MARK3: variants seen among roughly 807,000 people sequenced by gnomAD.
MARK3 encodes the protein MAP/microtubule affinity-regulating kinase 3.
MARK3 carries 46 observed loss-of-function variants against 90.1 expected under a neutral mutation model. The ratio of observed to expected loss-of-function variants is 0.51; its 90% CI spans 0.40 to 0.65. The LOEUF is 0.65. Ranked by LOEUF, MARK3 falls within the 30% of genes least tolerant of loss-of-function variation. MARK3 has a pLI of 0.00. For synonymous variants in MARK3, 321 were observed against 332.6 expected (o/e 0.97, Z 0.38); for missense variants, 818 against 947.2 (o/e 0.86, Z 1.79).
At chr14:103,412,713 C>A in intron 2 of MARK3, 4 of 593,868 alleles carry the variant, frequency 6.7e-6, no homozygotes, top group Non-Finnish European at 1.3e-5. Flanking sequence ...CCGTGCAGGA[C>A]TTCCTGCACC....
At chr14:103,423,386 C>A (rs567417548) in intron 2 of MARK3, among the ~76,000 whole-genome samples, 3 of 152,170 alleles carry the variant, frequency 2.0e-5, no homozygotes, top group Non-Finnish European at 4.4e-5. Context: ...TGTCCCATCC[C>A]TATTTTGTAA....
At chr14:103,496,368 C>T (rs1218572875) in intron 15 of MARK3, among the ~76,000 whole-genome samples, 1 of 151,868 alleles carries the variant, frequency 6.6e-6, no homozygotes, top group Admixed American at 6.6e-5. Context: ...ATCACTTGAG[C>T]CCAGGAGTTC....
chr14:103,406,993 C>T (rs1284061972), intron 2 of MARK3, among the ~76,000 whole-genome samples: 1 of 152,048 alleles, frequency 6.6e-6, no homozygotes, highest in East Asian at 1.9e-4. Context: ...ACCACTGCAC[C>T]CGGCTAATTT....
At chr14:103,451,851 A>G in intron 4 of MARK3, 67 bp from the exon 5 acceptor site, 4 of 1,103,208 alleles carry the variant, frequency 3.6e-6, no homozygotes, top group Non-Finnish European at 5.3e-6. Context: ...GTTAGAGTTT[A>G]TATGTGCATG....
At position 103,452,017 on chromosome 14, in the gene MARK3, T is replaced by C. The variant is rs766049293; in HGVS notation, c.412+34T>C. The C allele has an allele frequency of 2.5e-5, 36 of 1,434,180 alleles. 1 individual carries two copies. Among genetic ancestry groups the C allele is most frequent in the Non-Finnish European group, 3.3e-5 (34 of 1,024,802 alleles). 88.8% of individuals were successfully genotyped at this position (1,434,180 alleles called of 1,614,324 possible). On this transcript the variant is annotated intron_variant, in intron 5 of 17. Coordinates refer to ENST00000429436, the MANE Select transcript of MARK3 (RefSeq NM_001128918.3). Reference sequence around the variant, plus strand: ...ATTTTTATATATATTGGGTTTTTTTTCTTTCTCCCTTTTAAAAAAATACAC... The same window carrying C: ...ATTTTTATATATATTGGGTTTTTTTCCTTTCTCCCTTTTAAAAAAATACAC...
chr14:103,426,881 C>CT (rs1053563132), intron 2 of MARK3, among the ~76,000 whole-genome samples: 2 of 109,716 alleles, frequency 1.8e-5, no homozygotes, highest in Non-Finnish European at 3.7e-5. Flanking sequence ...GCCCAAAGGG[C>CT]TTTTCTATTT....
chr14:103,460,228 G>C (rs1366713228), intron 6 of MARK3, among the ~76,000 whole-genome samples: 1 of 151,714 alleles, frequency 6.6e-6, no homozygotes, highest in Non-Finnish European at 1.5e-5. Context: ...TGGGAATACA[G>C]ATGCCTGCCA....
rs534404609 is a variant in MARK3 at position 103,409,383 on chromosome 14, A to G, written c.243+4116A>G. Among the ~76,000 whole-genome samples the G allele has an allele frequency of 6.2e-5, 9 of 144,190 alleles. No individual in the cohort carries two copies. The South Asian group carries it at 1.1e-3, about 18-fold the overall frequency. 94.6% of individuals were successfully genotyped at this position (144,190 alleles called of 152,430 possible). A position where few individuals can be genotyped will look rare whatever the true frequency, so the allele number is the denominator to read the frequency against. On this transcript the variant is annotated intron_variant, in intron 2 of 17. Coordinates refer to ENST00000429436, the MANE Select transcript of MARK3 (RefSeq NM_001128918.3). Reference sequence around the variant, plus strand: ...TGGGCGCAGCAAACCACCATGGCACATGTATACCTGTTTAACCTGCACGTT... The same window carrying G: ...TGGGCGCAGCAAACCACCATGGCACGTGTATACCTGTTTAACCTGCACGTT...
chr14:103,391,638 G>A (rs1360388034), intron 1 of MARK3, among the ~76,000 whole-genome samples: 2 of 150,482 alleles, frequency 1.3e-5, no homozygotes, highest in Non-Finnish European at 2.9e-5. Flanking sequence ...TCTGCCGCCC[G>A]GGTTCAAGCG....
intron 15 of MARK3, among the ~76,000 whole-genome samples, chr14:103,496,123 G>A (rs1349094791): frequency 1.5e-4 from 23 of 152,210 alleles, no homozygotes; most frequent in South Asian, 4.1e-4. Context: ...CCAGGCACAC[G>A]CAAGTGCCTC....
At chr14:103,408,334 C>T (rs564121893) in intron 2 of MARK3, among the ~76,000 whole-genome samples, 2 of 152,100 alleles carry the variant, frequency 1.3e-5, no homozygotes, top group South Asian at 4.2e-4. Flanking sequence ...ATTACAGGCA[C>T]ACGCCACCGC....
chr14:103,466,564 T>G, intron 10 of MARK3, 122 bp downstream of exon 10: 1 of 641,280 alleles, frequency 1.6e-6, no homozygotes, highest in Middle Eastern at 2.6e-4. Flanking sequence ...ATGAACAGTT[T>G]ATCTGTTCTG....
intron 12 of MARK3, among the ~76,000 whole-genome samples, chr14:103,472,252 T>C (rs2093639521): frequency 6.7e-6 from 1 of 149,800 alleles, no homozygotes; most frequent in African/African-American, 2.4e-5. Flanking sequence ...TCCAGAAATA[T>C]TGAAAGAAAC....
At chr14:103,449,430 AAGT>A (rs2093076416) in intron 4 of MARK3, among the ~76,000 whole-genome samples, 1 of 150,948 alleles carries the variant, frequency 6.6e-6, no homozygotes, top group Admixed American at 6.6e-5. Context: ...AAAAAAAAAA[AAGT>A]AATAATAATA....
chr14:103,419,117 T>A (rs987872001), intron 2 of MARK3, among the ~76,000 whole-genome samples: 3 of 152,026 alleles, frequency 2.0e-5, no homozygotes, highest in African/African-American at 7.2e-5. Flanking sequence ...TGAAACCCCG[T>A]CTCTACTAAA....
chr14:103,448,614 G>T (rs8003497), intron 3 of MARK3, among the ~76,000 whole-genome samples: 1 of 152,190 alleles, frequency 6.6e-6, no homozygotes, highest in Non-Finnish European at 1.5e-5. Context: ...AATTATTCCT[G>T]CGTAAGTCTG....
intron 13 of MARK3, among the ~76,000 whole-genome samples, chr14:103,479,950 T>C (rs888600251): frequency 1.3e-5 from 2 of 152,122 alleles, no homozygotes; most frequent in African/African-American, 4.8e-5. Flanking sequence ...GTTGTATAGC[T>C]TTTTTAAAGA....
intron 1 of MARK3, among the ~76,000 whole-genome samples, chr14:103,389,730 G>C (rs1393971439): frequency 2.7e-5 from 4 of 150,604 alleles, no homozygotes; most frequent in Non-Finnish European, 5.9e-5. Context: ...GATCACCTGA[G>C]GTCAGGAGTT....
chr14:103,439,809 G>A (rs1261382523), intron 3 of MARK3, among the ~76,000 whole-genome samples: 1 of 151,554 alleles, frequency 6.6e-6, no homozygotes, highest in Non-Finnish European at 1.5e-5. Flanking sequence ...TTTTTGAGAC[G>A]GAGTTTCGCT....
Sources: gnomAD v4.1 joint callset for allele counts (sites outside exome capture counted in the v4.1 genomes callset) on GRCh38, gnomAD v4.1.1 for gene constraint, MANE v1.5 for transcripts, NCBI Gene and HGNC (gene_info 2026-07-23, HGNC 2026-07-21) for gene names.